PCDHGB6: variants seen among roughly 807,000 people sequenced by gnomAD.
PCDHGB6 encodes the protein protocadherin gamma subfamily B, 6, also known as protocadherin gamma-B6.
A neutral mutation model predicts 59.1 loss-of-function variants in PCDHGB6; 51 were observed. The observed-to-expected ratio is 0.86, with a 90% confidence interval of 0.69 to 1.09. The LOEUF is 1.09. Ranked by LOEUF, PCDHGB6 falls within the 50% of genes least tolerant of loss-of-function variation. PCDHGB6 has a pLI of 0.00. For missense variants in PCDHGB6, 1,148 were observed against 1,205.1 expected (o/e 0.95, Z 0.70); for synonymous variants, 466 against 495.1 (o/e 0.94, Z 0.78).
intron 3 of PCDHGB6, among the ~76,000 whole-genome samples, chr5:141,506,925 A>G (rs1287267937): frequency 1.3e-5 from 2 of 152,152 alleles, no homozygotes; most frequent in African/African-American, 4.8e-5. Context: ...ATACTAAACA[A>G]ACTTTAGGGG....
chr5:141,409,033 A>C lies in PCDHGB6; in HGVS notation c.831A>C (p.Ile277=). ...AGGATGAGGGGGTCAATGCTGAGAT[A>C]AACTACTACTTCCGAAGCACTGCCC... The part of the protein sequence containing the change: ...TDQDEGVNAE[I]NYYFRSTAQS... The change falls in exon 1 of 4, where the codon ATA becomes ATC. Residue 277 remains isoleucine (I), a synonymous_variant. Coordinates refer to ENST00000520790, the MANE Select transcript of PCDHGB6 (RefSeq NM_018926.3). 1 of 1,614,028 alleles carries C rather than the reference A, an allele frequency of 6.2e-7. No individual in the cohort carries two copies. The highest frequency in any genetic ancestry group is 1.1e-5 in the South Asian group (1 of 91,082).
chr5:141,409,023 A>G lies in PCDHGB6; in HGVS notation c.821A>G (p.Asn274Ser). 2.5e-6 allele frequency: 4 copies of G among 1,614,044 alleles called. No homozygotes were observed. The highest frequency in any genetic ancestry group is 3.4e-6 in the Non-Finnish European group (4 of 1,179,908). ...VTATDQDEGVNAEINYYFRST... is the reference protein window; with the variant it reads ...VTATDQDEGVSAEINYYFRST... The stretch of plus-strand genomic sequence containing the variant: ...GCCACTGACCAGGATGAGGGGGTCA[A>G]TGCTGAGATAAACTACTACTTCCGA... The change falls in exon 1 of 4, where the codon AAT (asparagine) becomes AGT (serine). Residue 274 changes from asparagine (N) to serine (S), a missense_variant. By Grantham distance (46) the Asn-to-Ser change is conservative. Coordinates refer to ENST00000520790, the MANE Select transcript of PCDHGB6 (RefSeq NM_018926.3).
rs1462103250 is a variant in PCDHGB6, at chr5:141,408,661, G to T, written c.459G>T (p.Ser153=). 1.2e-6 allele frequency: 2 copies of T among 1,613,888 alleles called. No homozygotes were observed. The highest frequency in any genetic ancestry group is 3.3e-4 in the Middle Eastern group (2 of 6,062). Residue 153 remains serine (S), a synonymous_variant, in exon 1 of 4, where the codon TCG becomes TCT. Transcript: ENST00000520790. ...FESASAGTRL[S]LDPATDPDIN... ...CTGCATCCGCTGGTACACGACTATCGCTTGACCCTGCCACGGATCCTGATA... is the reference window on the plus strand; with the variant it reads ...CTGCATCCGCTGGTACACGACTATCTCTTGACCCTGCCACGGATCCTGATA...
At chr5:141,436,305 T>C (rs2097810667) in intron 1 of PCDHGB6, among the ~76,000 whole-genome samples, 1 of 152,184 alleles carries the variant, frequency 6.6e-6, no homozygotes. Flanking sequence ...AGTTAGAGCA[T>C]GAATAGTCAA....
intron 1 of PCDHGB6, among the ~76,000 whole-genome samples, chr5:141,438,935 G>A (rs1306603362): frequency 6.6e-6 from 1 of 151,810 alleles, no homozygotes; most frequent in African/African-American, 2.4e-5. Context: ...CAAAGTGCTG[G>A]GATTATAGGC....
intron 1 of PCDHGB6, chr5:141,415,740 G>GTTTTTTTTTTTTTTTTTTT (rs57426385): frequency 1.1e-5 from 7 of 625,046 alleles, no homozygotes; most frequent in Admixed American, 7.1e-5. Context: ...GTTTATTAAG[G>GTTTTTTTTTTTTTTTTTTT]TTTTTTTTTT....
At chr5:141,417,673 C>G in intron 1 of PCDHGB6, 3 of 970,368 alleles carry the variant, frequency 3.1e-6, no homozygotes, top group Non-Finnish European at 2.9e-6. Context: ...CCTGCGCAGC[C>G]AACAACAGAA....
intron 1 of PCDHGB6, among the ~76,000 whole-genome samples, chr5:141,448,040 C>T (rs892207188): frequency 6.6e-6 from 1 of 151,850 alleles, no homozygotes; most frequent in Admixed American, 6.6e-5. Context: ...GAGCCAAGAT[C>T]ATGCCATTGC....
At chr5:141,426,825 A>G (rs747894160) in intron 1 of PCDHGB6, 26 of 456,582 alleles carry the variant, frequency 5.7e-5, no homozygotes, top group Non-Finnish European at 9.3e-5. Context: ...CTCTCTGATG[A>G]TGGACAAGAC....
intron 1 of PCDHGB6, chr5:141,433,309 T>C: frequency 1.1e-6 from 1 of 901,134 alleles, no homozygotes; most frequent in Admixed American, 2.7e-5. Context: ...TTATCCCACC[T>C]TTGCCTCCGG....
chr5:141,427,743 T>A, intron 1 of PCDHGB6: 5 of 1,249,166 alleles, frequency 4.0e-6, no homozygotes, highest in Non-Finnish European at 5.8e-6. Context: ...CCAAGTCTCC[T>A]ACTCCATCGT....
At chr5:141,482,089 C>CA (rs36035257) in intron 1 of PCDHGB6, among the ~76,000 whole-genome samples, 13,509 of 134,292 alleles carry the variant, frequency 0.1, 910 homozygotes, top group African/African-American at 0.2. Context: ...CACTCCATCT[C>CA]AAAAAAAAAA....
At chr5:141,471,637 T>C (rs1284100810) in intron 1 of PCDHGB6, 2 of 152,198 alleles carry the variant, frequency 1.3e-5, no homozygotes, top group Non-Finnish European at 2.9e-5. Context: ...TATGGATTAG[T>C]AATATACTGG....
chr5:141,415,654 A>ATTGGT, intron 1 of PCDHGB6: 1 of 1,573,242 alleles, frequency 6.4e-7, no homozygotes, highest in Non-Finnish European at 8.6e-7. Flanking sequence ...AAAAAAAAAG[A>ATTGGT]TTGGTTTTTA....
intron 1 of PCDHGB6, chr5:141,421,710 A>G (rs781498853): frequency 1.2e-6 from 2 of 1,613,940 alleles, no homozygotes; most frequent in South Asian, 2.2e-5. Flanking sequence ...CTAGGGATCC[A>G]GATGTGGGCG....
chr5:141,498,737 G>A (rs1176793634), intron 2 of PCDHGB6, among the ~76,000 whole-genome samples: 1 of 152,076 alleles, frequency 6.6e-6, no homozygotes, highest in African/African-American at 2.4e-5. Context: ...TTTGAGACCA[G>A]CCTGGCCAAC....
Position 141,476,990 on chromosome 5 carries a change from C to T in PCDHGB6, c.2419-17817C>T, listed in dbSNP as rs2099402882. ...CGGCAGCCACAACCGCGCCGGCGTGCGGCAACTATTCGCCTTAGACCTTGT... is the reference window on the plus strand; with the variant it reads ...CGGCAGCCACAACCGCGCCGGCGTGTGGCAACTATTCGCCTTAGACCTTGT... On this transcript the variant is annotated intron_variant, in intron 1 of 3. Coordinates refer to ENST00000520790, the MANE Select transcript of PCDHGB6 (RefSeq NM_018926.3). The surrounding 1 kb of genome is among the most constrained non-coding windows in gnomAD (Gnocchi z 7.6). 6.2e-7 allele frequency: 1 copy of T among 1,614,220 alleles called. No individual in the cohort carries two copies. The highest frequency in any genetic ancestry group is 8.5e-7 in the Non-Finnish European group (1 of 1,180,046).
intron 1 of PCDHGB6, chr5:141,478,878 T>A: frequency 8.0e-7 from 1 of 1,250,194 alleles, no homozygotes; most frequent in Non-Finnish European, 1.1e-6. Flanking sequence ...GAGTTTAGCT[T>A]GGTATCATTT....
At chr5:141,471,508 G>A (rs1262338812) in intron 1 of PCDHGB6, 3 of 152,216 alleles carry the variant, frequency 2.0e-5, no homozygotes, top group African/African-American at 7.2e-5. Context: ...AAGAGAGGGA[G>A]TAAAAATAAC....
Sources: gnomAD v4.1 joint callset for allele counts (sites outside exome capture counted in the v4.1 genomes callset) on GRCh38, gnomAD v4.1.1 for gene constraint, Gnocchi (gnomAD v3.1) non-coding constraint, MANE v1.5 for transcripts, NCBI Gene and HGNC (gene_info 2026-07-23, HGNC 2026-07-21) for gene names.